The following GRPR variants were observed in gnomAD, a reference collection of about 807,000 sequenced individuals.
GRPR encodes gastrin-releasing peptide receptor.
A neutral mutation model predicts 15.6 loss-of-function variants in GRPR; 4 were observed. The ratio of observed to expected loss-of-function variants is 0.26; its 90% confidence interval spans 0.13 to 0.59. The LOEUF is 0.59. Ranked by LOEUF, GRPR falls within the 20% of genes least tolerant of loss-of-function variation. GRPR has a pLI of 0.90. For synonymous variants in GRPR, 128 were observed against 126.8 expected (o/e 1.01, Z -0.06); for missense variants, 270 against 304.1 (o/e 0.89, Z 0.83).
At chrX:16,146,818 G>A (rs947140566) in intron 1 of GRPR, among the ~76,000 whole-genome samples, 1 of 112,073 alleles carries the variant, frequency 8.9e-6, no homozygotes, top group Non-Finnish European at 1.9e-5. Context: ...GAAACATCTG[G>A]TCTATCTCTC....
chrX:16,152,849 G>C lies in GRPR; in HGVS notation c.*204G>C. On this transcript the variant is annotated 3_prime_UTR_variant, in exon 3 of 3. Coordinates refer to ENST00000380289, the MANE Select transcript of GRPR (RefSeq NM_005314.3). ...AGTCTTAAGTTTTTCATTTCAACTT[G>C]TGAACGTTTCTTCTGATGTGAAGCA... The C allele has an allele frequency of 2.3e-6, 1 of 435,143 alleles. No individual in the cohort carries two copies. Among genetic ancestry groups the C allele is most frequent in the South Asian group, 3.7e-5 (1 of 27,214 alleles). The allele number at this position is 435,143 out of a possible 1,213,427, so 35.9% of individuals were successfully genotyped here. A position where few individuals can be genotyped will look rare whatever the true frequency, so the allele number is the denominator to read the frequency against.
At chrX:16,137,915 T>G (rs2057794111) in intron 1 of GRPR, among the ~76,000 whole-genome samples, 1 of 111,523 alleles carries the variant, frequency 9.0e-6, no homozygotes, top group Non-Finnish European at 1.9e-5. Context: ...AGGCAGAAAA[T>G]GAACAAGACC....
intron 1 of GRPR, among the ~76,000 whole-genome samples, chrX:16,125,822 C>T (rs964064642): frequency 1.8e-5 from 2 of 111,451 alleles, no homozygotes; most frequent in Non-Finnish European, 3.8e-5. Flanking sequence ...CCACAGATAC[C>T]AATGACCACA....
chrX:16,130,671 T>C (rs953718220), intron 1 of GRPR, among the ~76,000 whole-genome samples: 1 of 112,696 alleles, frequency 8.9e-6, no homozygotes, highest in African/African-American at 3.2e-5. Flanking sequence ...GCTTCATTGA[T>C]TGCAAGGAGA....
At position 16,152,439 on chromosome X, in the gene GRPR, G is replaced by T. The variant is rs200126015; in HGVS notation, c.949G>T (p.Val317Leu). Residue 317 changes from valine to leucine, a missense_variant, in exon 3 of 3, where the codon GTG (valine) becomes TTG (leucine). Physicochemically the swap from Val to Leu is conservative, Grantham distance 32. Coordinates refer to ENST00000380289, the MANE Select transcript of GRPR (RefSeq NM_005314.3). ...CCTCCTGGCCTTCACCAACTCCTGC[G>T]TGAACCCCTTTGCCCTCTACCTGCT... ...ARLLAFTNSC[V>L]NPFALYLLSK... The T allele has an allele frequency of 8.3e-7, 1 of 1,209,132 alleles. No homozygotes were observed. The highest frequency in any genetic ancestry group is 3.0e-5 in the East Asian group (1 of 33,833).
At chrX:16,146,277 T>G (rs1391178829) in intron 1 of GRPR, among the ~76,000 whole-genome samples, 1 of 111,566 alleles carries the variant, frequency 9.0e-6, no homozygotes, top group African/African-American at 3.3e-5. Context: ...TCAAACTAAC[T>G]CAAGGAAAAA....
rs759423147 is a variant in GRPR, at chrX:16,130,760, A to AGTCC, written c.413+6395_413+6398dup. Among the ~76,000 whole-genome samples the AGTCC allele has an allele frequency of 1.6e-4, 18 of 112,656 alleles. No individual in the cohort carries two copies. In the East Asian group the frequency reaches 4.7e-3, roughly 30 times the overall value. ...TCCTTCTAGAAATGCTTTACAAGAA[A>AGTCC]GTCCCTCTGCTGGAACCAGTTTACA... On this transcript the variant is annotated intron_variant, in intron 1 of 2. Transcript: ENST00000380289.
chrX:16,143,945 C>T (rs1922567254), intron 1 of GRPR, among the ~76,000 whole-genome samples: 1 of 112,052 alleles, frequency 8.9e-6, no homozygotes, highest in African/African-American at 3.2e-5. Context: ...GCAGAGTCCA[C>T]GATTCATCCA....
chrX:16,124,676 A>G (rs1168646909), intron 1 of GRPR, among the ~76,000 whole-genome samples: 2 of 112,118 alleles, frequency 1.8e-5, no homozygotes, highest in Admixed American at 1.9e-4. Context: ...CCTCCTTGCA[A>G]AATTAATTGA....
At chrX:16,127,262 C>G (rs1922307714) in intron 1 of GRPR, among the ~76,000 whole-genome samples, 1 of 111,716 alleles carries the variant, frequency 9.0e-6, no homozygotes. Context: ...CAGTTCCCCC[C>G]TTCACCGGGT....
chrX:16,145,762 C>G (rs147414246), intron 1 of GRPR, among the ~76,000 whole-genome samples: 26 of 111,356 alleles, frequency 2.3e-4, no homozygotes, highest in African/African-American at 8.2e-4. Context: ...CTCATGTGCC[C>G]CATAAATATA....
intron 1 of GRPR, among the ~76,000 whole-genome samples, chrX:16,133,312 C>G (rs1398039214): frequency 9.0e-6 from 1 of 111,622 alleles, no homozygotes; most frequent in African/African-American, 3.2e-5. Context: ...CTTTTAACTT[C>G]ATTTAAAATT....
At chrX:16,140,956 C>T (rs758303383) in intron 1 of GRPR, among the ~76,000 whole-genome samples, 10 of 111,623 alleles carry the variant, frequency 9.0e-5, no homozygotes, top group Non-Finnish European at 1.5e-4. Context: ...TTCTTTGCTA[C>T]GCAGTAAAGT....
intron 1 of GRPR, among the ~76,000 whole-genome samples, chrX:16,127,943 C>T (rs567021850): frequency 8.1e-5 from 9 of 111,726 alleles, no homozygotes; most frequent in Middle Eastern, 4.6e-3. Flanking sequence ...CTTGTGACAC[C>T]TTTTATATTG....
At chrX:16,126,642 C>G (rs186318423) in intron 1 of GRPR, among the ~76,000 whole-genome samples, 2 of 112,035 alleles carry the variant, frequency 1.8e-5, no homozygotes, top group Admixed American at 1.9e-4. Context: ...ATTCCAATCA[C>G]CATAGGTTAT....
rs973560403 is a variant in GRPR, at chrX:16,152,832, G to T, written c.*187G>T. The T allele has an allele frequency of 4.5e-6, 2 of 445,620 alleles. No homozygotes were observed. The highest frequency in any genetic ancestry group is 7.8e-6 in the Non-Finnish European group (2 of 255,836). The allele number at this position is 445,620 out of a possible 1,213,427, so 36.7% of individuals were successfully genotyped here. Reference sequence around the variant, plus strand: ...TTTGAAAGAAGCCATCAAGTCTTAAGTTTTTCATTTCAACTTGTGAACGTT... The same window carrying T: ...TTTGAAAGAAGCCATCAAGTCTTAATTTTTTCATTTCAACTTGTGAACGTT... On this transcript the variant is annotated 3_prime_UTR_variant, in exon 3 of 3. Transcript: ENST00000380289.
intron 1 of GRPR, among the ~76,000 whole-genome samples, chrX:16,141,943 C>T (rs1014293470): frequency 7.1e-5 from 8 of 112,001 alleles, no homozygotes; most frequent in African/African-American, 2.3e-4. Flanking sequence ...GGGAAGGCAT[C>T]GCCAAGTGAT....
In GRPR at chrX:16,143,370, GTC is replaced by G. The variant is rs767080025; in HGVS notation, c.414-6929_414-6928del. Among the ~76,000 whole-genome samples the G allele has an allele frequency of 1.1e-4, 12 of 113,067 alleles. No homozygotes were observed. The East Asian group carries it at 3.3e-3, about 31-fold the overall frequency. On this transcript the variant is annotated intron_variant, in intron 1 of 2. Transcript: ENST00000380289. ...TCTTTTCCCCAGCTTAGCTTCTGCAGTCTCTCTGAATCATTGAGGTTTTCCAA... is the reference window on the plus strand; with the variant it reads ...TCTTTTCCCCAGCTTAGCTTCTGCAGTCTCTGAATCATTGAGGTTTTCCAA...
intron 1 of GRPR, among the ~76,000 whole-genome samples, chrX:16,150,086 G>A (rs192331014): frequency 4.6e-4 from 51 of 111,133 alleles, no homozygotes; most frequent in Non-Finnish European, 8.1e-4. Flanking sequence ...ATCCTTCAGG[G>A]CTAGATTAGA....
Sources: gnomAD v4.1 joint callset for allele counts (sites outside exome capture counted in the v4.1 genomes callset) on GRCh38, gnomAD v4.1.1 for gene constraint, MANE v1.5 for transcripts, NCBI Gene and HGNC (gene_info 2026-07-23, HGNC 2026-07-21) for gene names.